Variants in MED22 observed in about 807,000 individuals in gnomAD.
The protein encoded by MED22 is mediator complex subunit 22.
MED22 carries 22 observed loss-of-function variants against 22.7 expected under a neutral mutation model. The observed-to-expected ratio is 0.97, with a 90% confidence interval of 0.69 to 1.38. The LOEUF (loss-of-function observed/expected upper bound fraction) is 1.38. MED22 is among the 40% of genes most tolerant of loss of function. MED22 has a pLI of 0.00. For synonymous variants in MED22, 134 were observed against 119.4 expected (o/e 1.12, Z -0.80); for missense variants, 247 against 263.0 (o/e 0.94, Z 0.42).
chr9:133,342,706 G>C (rs1836045653), intron 4 of MED22: 1 of 986,062 alleles, frequency 1.0e-6, no homozygotes, highest in Non-Finnish European at 1.2e-6. Flanking sequence ...AGGGGGCGCT[G>C]GTGTGGACAG....
At position 133,341,044 on chromosome 9, in the gene MED22, T is replaced by C. The variant is rs1234432408; in HGVS notation, c.*461A>G. The C allele has an allele frequency of 6.4e-6, 1 of 155,588 alleles. No homozygotes were observed. The highest frequency in any genetic ancestry group is 2.4e-5 in the African/African-American group (1 of 41,612). 9.6% of individuals were successfully genotyped at this position (155,588 alleles called of 1,614,324 possible). Reference sequence around the variant, plus strand: ...ACTCAGCCCATGGCACAGACATATGTGGCTCAGGGCAAGAACCAGTGGATG... The same window carrying C: ...ACTCAGCCCATGGCACAGACATATGCGGCTCAGGGCAAGAACCAGTGGATG... On this transcript the variant is annotated 3_prime_UTR_variant, in exon 5 of 5. Coordinates refer to ENST00000343730, the MANE Select transcript of MED22 (RefSeq NM_133640.5).
intron 4 of MED22, chr9:133,342,965 G>C: frequency 1.0e-6 from 1 of 985,876 alleles, no homozygotes; most frequent in Non-Finnish European, 1.2e-6. Flanking sequence ...CCGACAAACT[G>C]AACAGCTGTG....
chr9:133,346,717 A>G lies in MED22; in HGVS notation c.-38-17T>C. ...ACCTGGGACCTAGAGTGCAGCACAG[A>G]CCTCTGAGTGCAGGCAGAGTCTACC... On this transcript the variant is annotated splice_polypyrimidine_tract_variant and intron_variant, in intron 1 of 4. Transcript: ENST00000343730. The G allele has an allele frequency of 6.3e-7, 1 of 1,587,874 alleles. No individual in the cohort carries two copies. Among genetic ancestry groups the G allele is most frequent in the Non-Finnish European group, 8.5e-7 (1 of 1,169,852 alleles).
chr9:133,339,554 G>A lies in MED22; in HGVS notation c.*1951C>T. 8 of 510,998 alleles carry A rather than the reference G, an allele frequency of 1.6e-5. No homozygotes were observed. In the East Asian group the frequency reaches 2.3e-4, roughly 15 times the overall value. The allele number at this position is 510,998 out of a possible 1,614,324, so 31.7% of individuals were successfully genotyped here. Reference sequence around the variant, plus strand: ...ATTTGGGGAACAACTGAAGAAATCTGAATACAGCTAGATACCAGAGGATAT... The same window carrying A: ...ATTTGGGGAACAACTGAAGAAATCTAAATACAGCTAGATACCAGAGGATAT... On this transcript the variant is annotated 3_prime_UTR_variant, in exon 5 of 5. Coordinates refer to ENST00000343730, the MANE Select transcript of MED22 (RefSeq NM_133640.5).
intron 4 of MED22, chr9:133,343,917 A>C (rs2129958576): frequency 9.1e-6 from 13 of 1,434,286 alleles, no homozygotes; most frequent in Non-Finnish European, 1.2e-5. Context: ...ATCACATTGC[A>C]CTGTGGGAAA....
chr9:133,343,345 A>G, intron 4 of MED22: 1 of 1,230,342 alleles, frequency 8.1e-7, no homozygotes, highest in Non-Finnish European at 1.0e-6. Context: ...GCAGAGTGGA[A>G]GGCCTCCCTG....
Position 133,344,207 on chromosome 9 carries a change from CCTCCT to C in MED22, c.326_330del (p.Gln109ArgfsTer16), listed in dbSNP as rs2129960490. On this transcript the variant is annotated frameshift_variant, in exon 4 of 5. Transcript: ENST00000343730. LOFTEE classifies it high-confidence loss of function. ...AGCGTGATGAGCTTCCGGTCGCACT[CCTCCT>C]GCAGTGTGCGCAGCTGCTGGTTGCG... The C allele has an allele frequency of 6.2e-7, 1 of 1,614,218 alleles. No individual in the cohort carries two copies. The highest frequency in any genetic ancestry group is 1.3e-5 in the African/African-American group (1 of 75,064).
Position 133,344,141 on chromosome 9 carries a change from C to T in MED22, c.397G>A (p.Glu133Lys), listed in dbSNP as rs2129959700. The T allele has an allele frequency of 6.2e-6, 10 of 1,614,166 alleles. No homozygotes were observed. Among genetic ancestry groups the T allele is most frequent in the Non-Finnish European group, 8.5e-6 (10 of 1,180,024 alleles). ...ISIDLYELEE[E>K]YYSSSSSLCE... ...TATTTATACCTGGACGAGTAATACT[C>T]CTCCTCCAGCTCGTAGAGGTCAATG... Residue 133 changes from glutamate to lysine, a missense_variant, in exon 4 of 5, where the codon GAG (glutamate) becomes AAG (lysine). Transcript: ENST00000343730.
chr9:133,343,730 G>A (rs1163440750), intron 4 of MED22: 6 of 1,294,746 alleles, frequency 4.6e-6, no homozygotes, highest in Non-Finnish European at 5.9e-6. Flanking sequence ...AAAAAAGGCT[G>A]GCCCAGCCTT....
chr9:133,345,529 G>A (rs1036130684), intron 2 of MED22, among the ~76,000 whole-genome samples: 1 of 152,258 alleles, frequency 6.6e-6, no homozygotes, highest in Admixed American at 6.5e-5. Context: ...GTGCAGGGAT[G>A]GGGGCTTATC....
Position 133,345,222 on chromosome 9 carries a change from T to C in MED22, c.154A>G (p.Thr52Ala). 1 of 1,613,824 alleles carries C rather than the reference T, an allele frequency of 6.2e-7. No homozygotes were observed. The highest frequency in any genetic ancestry group is 8.5e-7 in the Non-Finnish European group (1 of 1,179,974). Residue 52 changes from threonine (T) to alanine (A), a missense_variant, in exon 3 of 5, where the codon ACT (threonine) becomes GCT (alanine). By Grantham distance (58) the Thr-to-Ala change is moderately conservative. Transcript: ENST00000343730. ...TCGTAATTGTCCTGTTCACCCTGAG[T>C]GGCCCGTGACACCTGCGTCTCGTCC... The part of the protein sequence containing the change: ...IEDETQVSRA[T>A]QGEQDNYEMH...
intron 3 of MED22, 120 bp from the exon 4 acceptor site, chr9:133,344,453 G>A (rs2129961972): frequency 2.6e-4 from 249 of 950,744 alleles, no homozygotes; most frequent in Non-Finnish European, 3.8e-4. Context: ...CATCTGCAAA[G>A]TGGGACTCTA....
At chr9:133,342,736 A>G (rs1398745199) in intron 4 of MED22, 4 of 985,934 alleles carry the variant, frequency 4.1e-6, no homozygotes, top group Non-Finnish European at 4.8e-6. Context: ...GGGAGGGGAC[A>G]CAGGCTGGCC....
intron 4 of MED22, 151 bp downstream of exon 4, chr9:133,343,974 G>A: frequency 6.8e-6 from 10 of 1,467,600 alleles, no homozygotes; most frequent in Non-Finnish European, 9.0e-6. Context: ...TCGGTCAAAC[G>A]CTCTGGCCAG....
intron 4 of MED22, 23 bp downstream of exon 4, chr9:133,344,102 G>A (rs2129959304): frequency 6.2e-7 from 1 of 1,613,022 alleles, no homozygotes; most frequent in Non-Finnish European, 8.5e-7. Flanking sequence ...CGCTCTGCAT[G>A]GGGAGTCCAG....
Position 133,339,542 on chromosome 9 carries a change from C to T in MED22, c.*1963G>A, listed in dbSNP as rs141825255. The T allele has an allele frequency of 3.7e-4, 191 of 522,940 alleles. No individual in the cohort carries two copies. The highest frequency in any genetic ancestry group is 3.6e-3 in the African/African-American group (182 of 51,158). The allele number at this position is 522,940 out of a possible 1,614,324, so 32.4% of individuals were successfully genotyped here. A position where few individuals can be genotyped will look rare whatever the true frequency, so the allele number is the denominator to read the frequency against. On this transcript the variant is annotated 3_prime_UTR_variant, in exon 5 of 5. Coordinates refer to ENST00000343730, the MANE Select transcript of MED22 (RefSeq NM_133640.5). ...ATTAAAAAAACTATTTGGGGAACAA[C>T]TGAAGAAATCTGAATACAGCTAGAT...
chr9:133,347,021 C>T (rs1056380362), intron 1 of MED22: 4 of 225,572 alleles, frequency 1.8e-5, no homozygotes, highest in Non-Finnish European at 3.5e-5. Flanking sequence ...TCCCCGTCCC[C>T]AGCCCTTGGC....
intron 3 of MED22, among the ~76,000 whole-genome samples, chr9:133,344,538 C>T (rs1158804932): frequency 6.6e-6 from 1 of 152,214 alleles, no homozygotes; most frequent in Non-Finnish European, 1.5e-5. Context: ...GGCAGGCCCT[C>T]CCCTCTCGTC....
At chr9:133,343,991 T>C in intron 4 of MED22, 134 bp downstream of exon 4, 1 of 1,492,436 alleles carries the variant, frequency 6.7e-7, no homozygotes, top group African/African-American at 1.4e-5. Flanking sequence ...CCAGGAGCTC[T>C]GCTCTGAAAC....
Sources: gnomAD v4.1 joint callset for allele counts (sites outside exome capture counted in the v4.1 genomes callset) on GRCh38, gnomAD v4.1.1 for gene constraint, MANE v1.5 for transcripts, NCBI Gene and HGNC (gene_info 2026-07-23, HGNC 2026-07-21) for gene names.